POU1F1: variants seen among roughly 807,000 people sequenced by gnomAD.
POU1F1 encodes the protein POU class 1 homeobox 1, also known as pituitary-specific positive transcription factor 1.
Under a neutral mutation model 32.3 loss-of-function variants are expected in POU1F1, and 23 were observed. That is an observed-to-expected ratio of 0.71 (90% CI 0.51 to 1.01). The LOEUF (loss-of-function observed/expected upper bound fraction) is 1.01, where lower values mean the gene tolerates loss of function less well. Ranked by LOEUF, POU1F1 falls within the 50% of genes least tolerant of loss-of-function variation. The pLI is 0.00. For missense variants in POU1F1, 323 were observed against 341.6 expected (o/e 0.95, Z 0.43); for synonymous variants, 120 against 115.6 (o/e 1.04, Z -0.25).
chr3:87,261,482 T>G (rs943091840), intron 4 of POU1F1, 149 bp from the exon 5 acceptor site: 7 of 625,140 alleles, frequency 1.1e-5, no homozygotes, highest in African/African-American at 1.1e-4. Context: ...TCTTTTTCTA[T>G]TACAGACCTT....
At chr3:87,275,289 A>C (rs1028609611) in intron 1 of POU1F1, among the ~76,000 whole-genome samples, 1 of 152,032 alleles carries the variant, frequency 6.6e-6, no homozygotes, top group Admixed American at 6.6e-5. Context: ...ACCAAAGTCT[A>C]AATATCTGAC....
chr3:87,270,519 C>T (rs1444229156), intron 2 of POU1F1, among the ~76,000 whole-genome samples: 1 of 152,100 alleles, frequency 6.6e-6, no homozygotes, highest in Non-Finnish European at 1.5e-5. Context: ...AATGCTCAAA[C>T]TAAATGTAAG....
rs750719768 is a variant in POU1F1, at chr3:87,260,068, T to A, written c.702A>T (p.Gly234=). The part of the protein sequence containing the change: ...AAKDALERHF[G]EQNKPSSQEI... The stretch of plus-strand genomic sequence containing the variant: ...CTTGAGAAGAAGGTTTATTCTGTTC[T>A]CCAAAGTGTCTCTCCAGAGCATCTT... Residue 234 remains glycine (G), a synonymous_variant, in exon 6 of 6, where the codon GGA becomes GGT. Transcript: ENST00000350375. The A allele has an allele frequency of 6.2e-7, 1 of 1,613,954 alleles. No individual in the cohort carries two copies. Among genetic ancestry groups the A allele is most frequent in the Non-Finnish European group, 8.5e-7 (1 of 1,179,964 alleles).
intron 1 of POU1F1, among the ~76,000 whole-genome samples, chr3:87,274,456 A>C (rs1429968884): frequency 4.0e-5 from 6 of 151,870 alleles, no homozygotes; most frequent in African/African-American, 1.4e-4. Flanking sequence ...GAATCCTTTG[A>C]GAATACCAAT....
Position 87,276,541 on chromosome 3 carries a change from C to A in POU1F1, c.-79G>T. 6.6e-7 allele frequency: 1 copy of A among 1,507,196 alleles called. No homozygotes were observed. The highest frequency in any genetic ancestry group is 9.0e-7 in the Non-Finnish European group (1 of 1,105,236). The allele number at this position is 1,507,196 out of a possible 1,614,324, so 93.4% of individuals were successfully genotyped here. On this transcript the variant is annotated 5_prime_UTR_variant, in exon 1 of 6. Coordinates refer to ENST00000350375, the MANE Select transcript of POU1F1 (RefSeq NM_000306.4). ...TTATTATATTACTGTCTCAAAGGGCCGATTCAATTCTCACTACCTGCATAT... is the reference window on the plus strand; with the variant it reads ...TTATTATATTACTGTCTCAAAGGGCAGATTCAATTCTCACTACCTGCATAT...
intron 2 of POU1F1, among the ~76,000 whole-genome samples, chr3:87,267,134 A>AATT (rs1298368018): frequency 6.6e-6 from 1 of 152,124 alleles, no homozygotes; most frequent in African/African-American, 2.4e-5. Context: ...ATTTGTTATC[A>AATT]ATTATTATTA....
At chr3:87,271,258 C>G (rs1706716426) in intron 2 of POU1F1, among the ~76,000 whole-genome samples, 1 of 152,092 alleles carries the variant, frequency 6.6e-6, no homozygotes, top group Non-Finnish European at 1.5e-5. Flanking sequence ...CCAACACTCT[C>G]AATGTGAACA....
In POU1F1 at chr3:87,262,172, G is replaced by GA. The variant is rs1220419438; in HGVS notation, c.502_503insT (p.Thr168IlefsTer7). ...CAGATTTTCAAATCGGCAGATTGTT[G>GA]TTTGACTGAATTCAGAGCCATGCAC... On this transcript the variant is annotated frameshift_variant, in exon 4 of 6. Coordinates refer to ENST00000350375, the MANE Select transcript of POU1F1 (RefSeq NM_000306.4). LOFTEE classifies it high-confidence loss of function. 1 of 1,614,082 alleles carries GA rather than the reference G, an allele frequency of 6.2e-7. No homozygotes were observed. Among genetic ancestry groups the GA allele is most frequent in the Non-Finnish European group, 8.5e-7 (1 of 1,180,002 alleles).
chr3:87,261,624 C>T (rs927255535), intron 4 of POU1F1, among the ~76,000 whole-genome samples: 4 of 152,244 alleles, frequency 2.6e-5, no homozygotes, highest in South Asian at 4.1e-4. Context: ...CAGGCTCTGA[C>T]ATTTGTATGA....
At chr3:87,265,892 G>GT (rs1213782004) in intron 2 of POU1F1, among the ~76,000 whole-genome samples, 1 of 151,532 alleles carries the variant, frequency 6.6e-6, no homozygotes, top group Non-Finnish European at 1.5e-5. Flanking sequence ...AAGGATGATT[G>GT]TATAAGCAAG....
At chr3:87,273,688 A>G (rs988416439) in intron 1 of POU1F1, among the ~76,000 whole-genome samples, 6 of 152,192 alleles carry the variant, frequency 3.9e-5, no homozygotes, top group African/African-American at 1.4e-4. Context: ...AACGGACTTC[A>G]TTAATTATCC....
At chr3:87,261,245 C>T in intron 5 of POU1F1, 28 bp downstream of exon 5, 2 of 1,448,574 alleles carry the variant, frequency 1.4e-6, no homozygotes, top group Non-Finnish European at 9.6e-7. Flanking sequence ...CAGTTTTGTC[C>T]TCTAGTAACT....
chr3:87,275,508 C>T (rs372434243), intron 1 of POU1F1, among the ~76,000 whole-genome samples: 22 of 152,080 alleles, frequency 1.4e-4, no homozygotes, highest in African/African-American at 5.1e-4. Context: ...TATTATATTG[C>T]TATTCAATGG....
chr3:87,264,241 A>T (rs752644019), intron 3 of POU1F1, 47 bp downstream of exon 3: 1 of 1,460,598 alleles, frequency 6.8e-7, no homozygotes, highest in Non-Finnish European at 9.6e-7. Context: ...AGCAATAAAG[A>T]TTTGCAAACC....
chr3:87,269,864 C>T (rs1706693935), intron 2 of POU1F1, among the ~76,000 whole-genome samples: 1 of 152,082 alleles, frequency 6.6e-6, no homozygotes, highest in Non-Finnish European at 1.5e-5. Flanking sequence ...GCCACTACAT[C>T]ATGTAAAGAT....
chr3:87,272,195 C>A (rs1016798757), intron 2 of POU1F1, among the ~76,000 whole-genome samples: 15 of 151,894 alleles, frequency 9.9e-5, no homozygotes, highest in Admixed American at 4.6e-4. Flanking sequence ...CACACATACA[C>A]ACACACCATG....
Position 87,259,698 on chromosome 3 carries a change from A to T in POU1F1, c.*196T>A. On this transcript the variant is annotated 3_prime_UTR_variant, in exon 6 of 6. Transcript: ENST00000350375. ...AAAATAGATAATGTGGCTTCTGAGAATAATTATTTTAAGTAAATAACATCA... is the reference window on the plus strand; with the variant it reads ...AAAATAGATAATGTGGCTTCTGAGATTAATTATTTTAAGTAAATAACATCA... The T allele has an allele frequency of 1.7e-6, 1 of 578,556 alleles. No homozygotes were observed. Among genetic ancestry groups the T allele is most frequent in the Non-Finnish European group, 3.0e-6 (1 of 333,282 alleles). The allele number at this position is 578,556 out of a possible 1,614,324, so 35.8% of individuals were successfully genotyped here.
intron 2 of POU1F1, among the ~76,000 whole-genome samples, chr3:87,269,310 G>A (rs1706682149): frequency 6.6e-6 from 1 of 152,064 alleles, no homozygotes; most frequent in South Asian, 2.1e-4. Context: ...ACAATGACAG[G>A]TTGAATAGTT....
intron 2 of POU1F1, 103 bp downstream of exon 2, chr3:87,273,244 A>T: frequency 7.9e-7 from 1 of 1,258,264 alleles, no homozygotes; most frequent in Non-Finnish European, 1.1e-6. Context: ...CAAAGTTAAG[A>T]AATCAAATTT....
Sources: allele counts gnomAD v4.1 joint callset (sites outside exome capture counted in the v4.1 genomes callset), GRCh38; gene constraint gnomAD v4.1.1; transcripts MANE v1.5; gene names NCBI Gene and HGNC (gene_info 2026-07-23, HGNC 2026-07-21).